Variants in SMAD7 observed in about 807,000 individuals in gnomAD.
The protein encoded by SMAD7 is MAD (mothers against decapentaplegic, Drosophila) homolog 7.
Under a neutral mutation model 38.7 loss-of-function variants are expected in SMAD7, and 8 were observed. The observed-to-expected ratio is 0.21, with a 90% CI of 0.12 to 0.37. The LOEUF (loss-of-function observed/expected upper bound fraction) is 0.37. Ranked by LOEUF, SMAD7 falls within the 10% of genes least tolerant of loss-of-function variation. The probability of loss-of-function intolerance (pLI) is 1.00; values close to 1 mark genes in which losing one functional copy is unlikely to be tolerated. For synonymous variants in SMAD7, 327 were observed against 265.1 expected, an observed-to-expected ratio of 1.23 and a Z score of -2.27; for missense variants, 477 against 577.9, an observed-to-expected ratio of 0.83 and a Z score of 1.79.
chr18:48,942,733 GACCACAGC>G (rs1481518052), intron 2 of SMAD7, 178 bp from the exon 3 acceptor site: 1 of 1,480,016 alleles, frequency 6.8e-7, no homozygotes, highest in African/African-American at 1.4e-5. Flanking sequence ...TCGTAAGACA[GACCACAGC>G]ACCTTGTCAC....
chr18:48,923,071 A>G (rs528482307), intron 3 of SMAD7, among the ~76,000 whole-genome samples: 1 of 152,236 alleles, frequency 6.6e-6, no homozygotes, highest in African/African-American at 2.4e-5. Flanking sequence ...GCCAGACTGC[A>G]GGAACGCTGT....
chr18:48,944,971 C>G (rs563749852), intron 2 of SMAD7, among the ~76,000 whole-genome samples: 1 of 148,148 alleles, frequency 6.8e-6, no homozygotes, highest in Admixed American at 6.7e-5. Flanking sequence ...TGGGGAGCAG[C>G]CAAGGAGCGA....
At position 48,921,539 on chromosome 18, in the gene SMAD7, C is replaced by T. The variant is rs753170616; in HGVS notation, c.1114G>A (p.Glu372Lys). ...GGCCGCTGCAGGCTGTACGCCTTCT[C>T]GTAGTCGAAAGCCTTGATGGAGAAA... ...PGFSIKAFDY[E>K]KAYSLQRPND... Residue 372 changes from glutamate to lysine, a missense_variant, in exon 4 of 4, where the codon GAG (glutamate) becomes AAG (lysine). By Grantham distance (56) the Glu-to-Lys change is moderately conservative. This residue lies in a region of SMAD7 where 101 missense variants were observed against 198.5 expected (regional missense o/e 0.51). Coordinates refer to ENST00000262158, the MANE Select transcript of SMAD7 (RefSeq NM_005904.4). The surrounding 1 kb of genome is among the most constrained non-coding windows in gnomAD (Gnocchi z 6.4). 2 of 1,614,116 alleles carry T rather than the reference C, an allele frequency of 1.2e-6. No homozygotes were observed. The highest frequency in any genetic ancestry group is 1.7e-6 in the Non-Finnish European group (2 of 1,180,060).
At chr18:48,946,301 T>C (rs1002061753) in intron 2 of SMAD7, among the ~76,000 whole-genome samples, 1 of 152,178 alleles carries the variant, frequency 6.6e-6, no homozygotes, top group South Asian at 2.1e-4. Context: ...TCCATGTAGA[T>C]TCCCGGGCCA....
intron 3 of SMAD7, among the ~76,000 whole-genome samples, chr18:48,940,103 G>A (rs974500691): frequency 1.3e-5 from 2 of 151,862 alleles, no homozygotes; most frequent in Non-Finnish European, 2.9e-5. Flanking sequence ...CCCTCCAGAC[G>A]CCCCCAAGCC....
chr18:48,938,596 G>A (rs1208555702), intron 3 of SMAD7, among the ~76,000 whole-genome samples: 2 of 152,182 alleles, frequency 1.3e-5, no homozygotes, highest in Non-Finnish European at 1.5e-5. Context: ...GAGGCTAGAA[G>A]ATGAGTCTGC....
At chr18:48,942,584 A>G (rs756045232) in intron 2 of SMAD7, 29 bp from the exon 3 acceptor site, 1 of 1,613,670 alleles carries the variant, frequency 6.2e-7, no homozygotes, top group South Asian at 1.1e-5. Context: ...GAGAGAAAGA[A>G]ATAAATACAC....
At chr18:48,945,919 T>C (rs2070189621) in intron 2 of SMAD7, among the ~76,000 whole-genome samples, 1 of 152,062 alleles carries the variant, frequency 6.6e-6, no homozygotes, top group Admixed American at 6.5e-5. Flanking sequence ...CAGCCACAAG[T>C]CACAACTGGC....
intron 3 of SMAD7, among the ~76,000 whole-genome samples, chr18:48,934,021 C>G (rs982859828): frequency 6.6e-6 from 1 of 152,178 alleles, no homozygotes; most frequent in Non-Finnish European, 1.5e-5. Context: ...CAGCACGGGC[C>G]GGGGCACTGT....
chr18:48,934,321 C>T lies in SMAD7; in HGVS notation c.742+8160G>A, dbSNP rs2143786819. Among the ~76,000 whole-genome samples, 3 of 152,182 alleles carry T rather than the reference C, an allele frequency of 2.0e-5. No individual in the cohort carries two copies. In the Middle Eastern group the frequency reaches 0.01, roughly 518 times the overall value. The stretch of plus-strand genomic sequence containing the variant: ...GAACTCCTGCAGGATGAGGGGGACA[C>T]GGTGGCTTGAAAACACGAAGGCAGC... On this transcript the variant is annotated intron_variant, in intron 3 of 3. Transcript: ENST00000262158.
intron 3 of SMAD7, among the ~76,000 whole-genome samples, chr18:48,928,713 A>G (rs199532981): frequency 3.3e-5 from 5 of 152,048 alleles, no homozygotes; most frequent in South Asian, 4.1e-4. Flanking sequence ...TAAATAATCA[A>G]TTCCTAGAAC....
rs889506214 is a variant in SMAD7, at chr18:48,942,854, G to A, written c.668-299C>T. ...ACCAGTCCCCCATTACGGATACCAG[G>A]TGGTTCCCAAGGTCAAAGGAGGTTT... is the stretch of plus-strand genomic sequence containing the variant. On this transcript the variant is annotated intron_variant, in intron 2 of 3. Coordinates refer to ENST00000262158, the MANE Select transcript of SMAD7 (RefSeq NM_005904.4). The A allele has an allele frequency of 3.3e-5, 37 of 1,135,938 alleles. No individual in the cohort carries two copies. The African/African-American group carries it at 5.0e-4, about 15-fold the overall frequency. The allele number at this position is 1,135,938 out of a possible 1,614,324, so 70.4% of individuals were successfully genotyped here. A position where few individuals can be genotyped will look rare whatever the true frequency, so the allele number is the denominator to read the frequency against.
rs376674811 is a variant in SMAD7 at position 48,921,931 on chromosome 18, G to C, written c.743-21C>G. ...GGAATCTAGAAAACACATTGGCAGA[G>C]AGGGTTAGTGGGGACAGGCATTGGT... On this transcript the variant is annotated intron_variant, in intron 3 of 3. Transcript: ENST00000262158. This position sits in a 1 kb window ranked among gnomAD's most constrained non-coding sequence, Gnocchi z 6.4. The C allele has an allele frequency of 3.4e-5, 54 of 1,573,108 alleles. No homozygotes were observed. Among genetic ancestry groups the C allele is most frequent in the Middle Eastern group, 3.5e-4 (2 of 5,680 alleles).
intron 2 of SMAD7, among the ~76,000 whole-genome samples, chr18:48,946,908 G>A (rs1306017286): frequency 2.0e-5 from 3 of 152,022 alleles, no homozygotes; most frequent in South Asian, 4.2e-4. Flanking sequence ...TACCCCTGCT[G>A]GTCTTTATCC....
chr18:48,949,964 G>C lies in SMAD7; in HGVS notation c.461C>G (p.Ser154Trp). Residue 154 changes from serine (S) to tryptophan (W), a missense_variant, in exon 1 of 4, where the codon TCG (serine) becomes TGG (tryptophan). By Grantham distance (177) the Ser-to-Trp change is radical. Transcript: ENST00000262158. ...AQPAQPPSSY[S>W]LPLLLCKVFR... ...CACTTTGCACAGCAGGAGGGGGAGC[G>C]AGTAGGACGAGGGCGGCTGCGCAGG... 1 of 1,609,510 alleles carries C rather than the reference G, an allele frequency of 6.2e-7. No individual in the cohort carries two copies. The highest frequency in any genetic ancestry group is 8.5e-7 in the Non-Finnish European group (1 of 1,178,276).
At chr18:48,939,070 G>A (rs946936193) in intron 3 of SMAD7, among the ~76,000 whole-genome samples, 26 of 152,166 alleles carry the variant, frequency 1.7e-4, no homozygotes, top group African/African-American at 6.0e-4. Flanking sequence ...CCCTATCCCA[G>A]AGCCTGCCTG....
chr18:48,923,907 C>T (rs2069894636), intron 3 of SMAD7, among the ~76,000 whole-genome samples: 1 of 152,166 alleles, frequency 6.6e-6, no homozygotes, highest in Non-Finnish European at 1.5e-5. Flanking sequence ...ATCAGGCATT[C>T]ACTTGTTTCT....
intron 2 of SMAD7, among the ~76,000 whole-genome samples, chr18:48,945,625 A>C (rs541348161): frequency 2.4e-4 from 36 of 152,266 alleles, no homozygotes; most frequent in Non-Finnish European, 4.3e-4. Flanking sequence ...GTTAAGAGGG[A>C]CCTCGGTTAA....
chr18:48,942,674 C>T lies in SMAD7; in HGVS notation c.668-119G>A, dbSNP rs777668957. 8.3e-6 allele frequency: 13 copies of T among 1,572,784 alleles called. No homozygotes were observed. The South Asian group carries it at 9.1e-5, about 11-fold the overall frequency. ...AACCACACATTCCAAAAGGCTGACT[C>T]GCGGCCTTGATGCTGATTATTAATG... On this transcript the variant is annotated intron_variant, in intron 2 of 3. Transcript: ENST00000262158.
Sources: gnomAD v4.1 joint callset for allele counts (sites outside exome capture counted in the v4.1 genomes callset) on GRCh38, gnomAD v4.1.1 for gene constraint, gnomAD v4.1.1 regional missense constraint, Gnocchi (gnomAD v3.1) non-coding constraint, MANE v1.5 for transcripts, NCBI Gene and HGNC (gene_info 2026-07-23, HGNC 2026-07-21) for gene names.